RANBP17: variants seen among roughly 807,000 people sequenced by gnomAD.
RANBP17 encodes the protein RAN binding protein 17, also known as ran-binding protein 17.
RANBP17 carries 158 observed loss-of-function variants against 141.2 expected under a neutral mutation model. That is an observed-to-expected ratio of 1.12 (90% CI 0.98 to 1.28). The LOEUF (loss-of-function observed/expected upper bound fraction) is 1.28, where lower values mean the gene tolerates loss of function less well. Among genes scored for constraint, RANBP17 ranks in the 50% most tolerant of loss-of-function variants. The pLI, the probability that RANBP17 is intolerant of heterozygous loss-of-function variation, is 0.00. For synonymous variants in RANBP17, 430 were observed against 450.0 expected (o/e 0.96, Z 0.56); for missense variants, 1,438 against 1,290.7 (o/e 1.11, Z -1.75).
intron 24 of RANBP17, among the ~76,000 whole-genome samples, chr5:171,260,462 CAAAAAAA>C (rs531075409): frequency 1.9e-5 from 1 of 51,430 alleles, no homozygotes; most frequent in African/African-American, 6.9e-5. Flanking sequence ...GACTCCGTCT[CAAAAAAA>C]AAAAAAAAAA....
chr5:171,123,104 G>A lies in RANBP17; in HGVS notation c.1711-47026G>A, dbSNP rs113483009. Among the ~76,000 whole-genome samples the A allele has an allele frequency of 9.9e-3, 1,502 of 152,294 alleles. 28 individuals are homozygous for A. The highest frequency in any genetic ancestry group is 0.035 in the African/African-American group (1,443 of 41,566). On this transcript the variant is annotated intron_variant, in intron 14 of 27. Transcript: ENST00000523189. Reference sequence around the variant, plus strand: ...TGAGAACTGCCTCCCTGGTGTTGCTGCCATATACAGTAACCCTGACCCTTC... The same window carrying A: ...TGAGAACTGCCTCCCTGGTGTTGCTACCATATACAGTAACCCTGACCCTTC...
intron 25 of RANBP17, among the ~76,000 whole-genome samples, chr5:171,279,473 C>T (rs746012629): frequency 1.3e-5 from 2 of 152,140 alleles, no homozygotes; most frequent in Non-Finnish European, 1.5e-5. Flanking sequence ...CCAAACTCAA[C>T]CTTTTTATAA....
At chr5:171,247,664 G>T (rs1311247413) in intron 24 of RANBP17, among the ~76,000 whole-genome samples, 1 of 152,052 alleles carries the variant, frequency 6.6e-6, no homozygotes, top group Non-Finnish European at 1.5e-5. Context: ...CAACTCTTAT[G>T]CACAGACACC....
intron 14 of RANBP17, among the ~76,000 whole-genome samples, chr5:171,067,539 TTCAGCATTTC>T (rs1784383145): frequency 9.9e-5 from 15 of 152,190 alleles, no homozygotes; most frequent in Admixed American, 9.8e-4. Context: ...AAGATCTTCC[TTCAGCATTTC>T]TTAATGGGGC....
At chr5:170,885,980 C>A (rs1033374229) in intron 3 of RANBP17, among the ~76,000 whole-genome samples, 1 of 151,790 alleles carries the variant, frequency 6.6e-6, no homozygotes, top group African/African-American at 2.4e-5. Context: ...CTTCCTCCAG[C>A]AGGAATTTAT....
chr5:171,143,750 T>C (rs17073364), intron 14 of RANBP17, among the ~76,000 whole-genome samples: 8,603 of 152,190 alleles, frequency 0.057, 303 homozygotes, highest in East Asian at 0.12. Flanking sequence ...ACAATGGAAA[T>C]GTATGAAGTT....
intron 12 of RANBP17, among the ~76,000 whole-genome samples, chr5:170,947,326 G>A (rs558277572): frequency 1.3e-5 from 2 of 152,078 alleles, no homozygotes; most frequent in South Asian, 2.1e-4. Flanking sequence ...ACCCAGCGTT[G>A]TTTTAGGCTC....
chr5:171,237,749 C>G (rs1764627914), intron 22 of RANBP17, among the ~76,000 whole-genome samples: 1 of 152,146 alleles, frequency 6.6e-6, no homozygotes, highest in Non-Finnish European at 1.5e-5. Context: ...TCCTAGCTGT[C>G]CATCAGTGCA....
intron 14 of RANBP17, among the ~76,000 whole-genome samples, chr5:171,139,808 TAAACC>T (rs1430443231): frequency 9.2e-5 from 14 of 152,206 alleles, no homozygotes; most frequent in African/African-American, 2.9e-4. Flanking sequence ...TTCAAAAATA[TAAACC>T]TGATTTTGCC....
intron 14 of RANBP17, among the ~76,000 whole-genome samples, chr5:171,006,835 C>A (rs1249520319): frequency 6.6e-6 from 1 of 151,636 alleles, no homozygotes; most frequent in Admixed American, 6.6e-5. Flanking sequence ...GGGCCATGAA[C>A]TGGGCTGGGT....
chr5:171,175,469 A>G (rs1760386750), intron 16 of RANBP17, among the ~76,000 whole-genome samples: 1 of 152,086 alleles, frequency 6.6e-6, no homozygotes, highest in Non-Finnish European at 1.5e-5. Context: ...TGTCTTTTTA[A>G]TGATCACCGA....
At chr5:171,252,322 C>A in intron 24 of RANBP17, 1 of 1,544,226 alleles carries the variant, frequency 6.5e-7, no homozygotes, top group Middle Eastern at 1.8e-4. Flanking sequence ...AGACCCAATG[C>A]GGGTTCATGA....
At chr5:171,209,970 A>C (rs1299274614) in intron 20 of RANBP17, among the ~76,000 whole-genome samples, 1 of 151,770 alleles carries the variant, frequency 6.6e-6, no homozygotes, top group Non-Finnish European at 1.5e-5. Flanking sequence ...GGACGGATGG[A>C]TGGATGGATA....
intron 16 of RANBP17, among the ~76,000 whole-genome samples, chr5:171,174,377 G>A (rs1032618489): frequency 1.3e-5 from 2 of 152,066 alleles, no homozygotes; most frequent in African/African-American, 4.8e-5. Flanking sequence ...AGAAATTTTA[G>A]TTTCTGTCTA....
Position 171,213,635 on chromosome 5 carries a change from C to T in RANBP17, c.2236C>T (p.Pro746Ser), listed in dbSNP as rs1337618708. 1 of 1,608,954 alleles carries T rather than the reference C, an allele frequency of 6.2e-7. No individual in the cohort carries two copies. Among genetic ancestry groups the T allele is most frequent in the Admixed American group, 1.7e-5 (1 of 59,978 alleles). The part of the protein sequence containing the change: ...SYTMLFDWMY[P>S]TYLPLLQNAV... ...CTTTAACAGGCTTTATAAAAGGTAC[C>T]CAACGTACCTTCCCCTTCTTCAGAA... Residue 746 changes from proline to serine, a missense_variant, in exon 21 of 28, where the codon CCA becomes TCA. Physicochemically the swap from Pro to Ser is moderately conservative, Grantham distance 74. Transcript: ENST00000523189.
rs150750686 is a variant in RANBP17 at position 171,287,767 on chromosome 5, C to T, written c.2944-6116C>T. Among the ~76,000 whole-genome samples the T allele has an allele frequency of 2.0e-4, 31 of 152,138 alleles. 1 individual carries two copies. In the South Asian group the frequency reaches 3.5e-3, roughly 17 times the overall value. ...TTTGAGATGGAGTCTCACTCTGTCA[C>T]GCAGACTGGAGTACAGTGGCATGAT... On this transcript the variant is annotated intron_variant, in intron 25 of 27. Coordinates refer to ENST00000523189, the MANE Select transcript of RANBP17 (RefSeq NM_022897.5).
At chr5:170,950,389 A>G in intron 12 of RANBP17, among the ~76,000 whole-genome samples, 1 of 146,062 alleles carries the variant, frequency 6.8e-6, no homozygotes, top group Non-Finnish European at 1.5e-5. Context: ...AAACAAAAAC[A>G]AAAAAAAAAT....
chr5:171,251,737 G>A (rs1765576562), intron 24 of RANBP17: 2 of 749,044 alleles, frequency 2.7e-6, no homozygotes, highest in South Asian at 3.2e-5. Flanking sequence ...GCTGCGGTGC[G>A]AGCAGGTGGC....
At chr5:171,004,672 A>T (rs2127581560) in intron 14 of RANBP17, among the ~76,000 whole-genome samples, 1 of 152,218 alleles carries the variant, frequency 6.6e-6, no homozygotes, top group South Asian at 2.1e-4. Flanking sequence ...AGCCAAGGAG[A>T]TCTGGGAAGG....
Sources: gnomAD v4.1 joint callset for allele counts (sites outside exome capture counted in the v4.1 genomes callset) on GRCh38, gnomAD v4.1.1 for gene constraint, MANE v1.5 for transcripts, NCBI Gene and HGNC (gene_info 2026-07-23, HGNC 2026-07-21) for gene names.